C4orf51: variants seen among roughly 807,000 people sequenced by gnomAD.
C4orf51 encodes chromosome 4 open reading frame 51.
C4orf51 carries 25 observed loss-of-function variants against 25.2 expected under a neutral mutation model. The observed-to-expected ratio is 0.99, with a 90% CI of 0.72 to 1.39. The LOEUF is 1.39. Among genes scored for constraint, C4orf51 ranks in the 40% most tolerant of loss-of-function variants. The pLI, the probability that C4orf51 is intolerant of heterozygous loss-of-function variation, is 0.00. For synonymous variants in C4orf51, 100 were observed against 84.5 expected (o/e 1.18, Z -1.01); for missense variants, 252 against 239.6 (o/e 1.05, Z -0.34).
At chr4:145,734,231 G>T (rs1175425709), downstream of C4orf51, among the ~76,000 whole-genome samples, 1 of 152,190 alleles carries the variant, frequency 6.6e-6, no homozygotes, top group Admixed American at 6.5e-5. Flanking sequence ...CTCACACGTG[G>T]GTTAGGGCTT....
chr4:145,706,094 C>T lies in C4orf51; in HGVS notation c.307+9462C>T, dbSNP rs1253163217. On this transcript the variant is annotated intron_variant, in intron 2 of 5. Coordinates refer to ENST00000438731, the MANE Select transcript of C4orf51 (RefSeq NM_001080531.3). The stretch of plus-strand genomic sequence containing the variant: ...TAAATTGCAGACAAAAACTCAAAAA[C>T]TCATGAGACTAGAATCTAATAATAG... Among the ~76,000 whole-genome samples, 4 of 152,170 alleles carry T rather than the reference C, an allele frequency of 2.6e-5. No individual in the cohort carries two copies. In the South Asian group the frequency reaches 8.3e-4, roughly 32 times the overall value.
chr4:145,764,565 G>C (rs527727488), intron 1 of C4orf51: 28 of 181,630 alleles, frequency 1.5e-4, no homozygotes, highest in African/African-American at 6.2e-4. Context: ...GGGTGGGGTG[G>C]TTGCAATGCT....
chr4:145,782,618 C>A, the C4orf51 span, among the ~76,000 whole-genome samples: 1 of 152,192 alleles, frequency 6.6e-6, no homozygotes, highest in African/African-American at 2.4e-5. Context: ...TGCTATCAGA[C>A]CCCTTCCAAC....
chr4:145,700,923 C>T (rs1730396453), intron 2 of C4orf51, among the ~76,000 whole-genome samples: 1 of 152,122 alleles, frequency 6.6e-6, no homozygotes, highest in Non-Finnish European at 1.5e-5. Context: ...CCCCACCTGC[C>T]CAGCAATTTA....
intron 1 of C4orf51, among the ~76,000 whole-genome samples, chr4:145,739,841 C>T (rs1732997945): frequency 6.6e-6 from 1 of 152,172 alleles, no homozygotes; most frequent in South Asian, 2.1e-4. Flanking sequence ...CCCCTGACAA[C>T]TATTGAGCTC....
chr4:145,681,004 T>C lies in C4orf51; in HGVS notation c.233+568T>C, dbSNP rs1015163370. On this transcript the variant is annotated intron_variant, in intron 1 of 5. Coordinates refer to ENST00000438731, the MANE Select transcript of C4orf51 (RefSeq NM_001080531.3). ...GTGTCTGGTGAGGGAGGGAGTGTTG[T>C]GTGTCTGAAGAGAGCTCAGTAAAAT... 1.1e-4 allele frequency among the ~76,000 whole-genome samples: 17 copies of C among 152,230 alleles called. No homozygotes were observed. The South Asian group carries it at 1.9e-3, about 17-fold the overall frequency.
chr4:145,787,747 CTGTT>C, the C4orf51 span, among the ~76,000 whole-genome samples: 4 of 152,086 alleles, frequency 2.6e-5, no homozygotes, highest in Non-Finnish European at 5.9e-5. Context: ...CTATCAAACT[CTGTT>C]TGACAGAGCA....
At position 145,708,645 on chromosome 4, in the gene C4orf51, C is replaced by T. The variant is rs112039002; in HGVS notation, c.307+12013C>T. Among the ~76,000 whole-genome samples, 1,108 of 152,278 alleles carry T rather than the reference C, an allele frequency of 7.3e-3. 14 individuals are homozygous for T. The highest frequency in any genetic ancestry group is 0.025 in the African/African-American group (1,044 of 41,558). The stretch of plus-strand genomic sequence containing the variant: ...GTGAACAGTGGGCTCCTTGTTTATC[C>T]TTGGGGTTCCAGAATGAACCAGTCT... On this transcript the variant is annotated intron_variant, in intron 2 of 5. Coordinates refer to ENST00000438731, the MANE Select transcript of C4orf51 (RefSeq NM_001080531.3).
chr4:145,697,576 T>G (rs1039133383), intron 2 of C4orf51, among the ~76,000 whole-genome samples: 2 of 152,244 alleles, frequency 1.3e-5, no homozygotes, highest in Non-Finnish European at 2.9e-5. Context: ...TAACTTTGAC[T>G]TTTTAGATTA....
intron 1 of C4orf51, among the ~76,000 whole-genome samples, chr4:145,746,520 C>T: frequency 6.6e-6 from 1 of 152,052 alleles, no homozygotes; most frequent in Middle Eastern, 3.2e-3. Context: ...AATGAGCTCA[C>T]TGTAGATGCC....
rs1158843138 is a variant in C4orf51 at position 145,761,211 on chromosome 4, G to A, written n.167-9777G>A. On this transcript the variant is annotated intron_variant and non_coding_transcript_variant, in intron 1 of 1. Coordinates refer to the C4orf51 transcript ENST00000510096. This position sits in a 1 kb window ranked among gnomAD's most constrained non-coding sequence, Gnocchi z 6.8. ...AGTCCCCACTCTGGTGCTTCTTGACGTGGCGGCTGAAGACGAAAGGGTGTG... is the reference window on the plus strand; with the variant it reads ...AGTCCCCACTCTGGTGCTTCTTGACATGGCGGCTGAAGACGAAAGGGTGTG... The A allele has an allele frequency of 3.9e-6, 5 of 1,289,744 alleles. No individual in the cohort carries two copies. Among genetic ancestry groups the A allele is most frequent in the Admixed American group, 2.3e-5 (1 of 43,556 alleles). The allele number at this position is 1,289,744 out of a possible 1,614,324, so 79.9% of individuals were successfully genotyped here. A position where few individuals can be genotyped will look rare whatever the true frequency, so the allele number is the denominator to read the frequency against.
intron 3 of C4orf51, among the ~76,000 whole-genome samples, chr4:145,728,372 T>C (rs1241728332): frequency 6.6e-6 from 1 of 152,150 alleles, no homozygotes; most frequent in Non-Finnish European, 1.5e-5. Context: ...AATTTTCTTT[T>C]AATTTCATTT....
At chr4:145,767,891 A>T (rs937587538) in intron 1 of C4orf51, among the ~76,000 whole-genome samples, 1 of 143,246 alleles carries the variant, frequency 7.0e-6, no homozygotes, top group African/African-American at 2.6e-5. Context: ...AACCAGATAT[A>T]AAACTGATCT....
At chr4:145,738,666 G>T (rs911353681) in intron 1 of C4orf51, among the ~76,000 whole-genome samples, 1 of 151,630 alleles carries the variant, frequency 6.6e-6, no homozygotes. Context: ...TTGAGATAGG[G>T]TCTTGCTCTG....
At chr4:145,699,918 C>A (rs1329318928) in intron 2 of C4orf51, among the ~76,000 whole-genome samples, 1 of 151,936 alleles carries the variant, frequency 6.6e-6, no homozygotes, top group Non-Finnish European at 1.5e-5. Context: ...AGCGGCAAGT[C>A]CCGCTTTTCT....
downstream of C4orf51, chr4:145,775,760 C>T (rs372537675): frequency 2.8e-5 from 45 of 1,612,122 alleles, no homozygotes; most frequent in African/African-American, 4.5e-4. Context: ...CTGAGAAAGG[C>T]GGACTAGCAT....
At chr4:145,775,833 G>A, downstream of C4orf51, 1 of 1,614,194 alleles carries the variant, frequency 6.2e-7, no homozygotes. Flanking sequence ...CTTCAGAGGT[G>A]ACGGCGCTGA....
rs1423473269 is a variant in C4orf51 at position 145,762,139 on chromosome 4, T to TTA, written n.167-8849_167-8848insTA. Among the ~76,000 whole-genome samples the TTA allele has an allele frequency of 3.3e-5, 5 of 152,086 alleles. No individual in the cohort carries two copies. Among genetic ancestry groups the TTA allele is most frequent in the African/African-American group, 1.2e-4 (5 of 41,402 alleles). On this transcript the variant is annotated intron_variant and non_coding_transcript_variant, in intron 1 of 1. Transcript: ENST00000510096. The surrounding 1 kb of genome is among the most constrained non-coding windows in gnomAD (Gnocchi z 4.9). Reference sequence around the variant, plus strand: ...AAGTCACAGGGGTCAGAATCGTGCTTATTAAGGGTTTGTTAGGATGAGAAG... The same window carrying TTA: ...AAGTCACAGGGGTCAGAATCGTGCTTTAATTAAGGGTTTGTTAGGATGAGAAG...
At chr4:145,711,877 C>T (rs1396075190) in intron 2 of C4orf51, among the ~76,000 whole-genome samples, 4 of 152,200 alleles carry the variant, frequency 2.6e-5, no homozygotes, top group Non-Finnish European at 4.4e-5. Context: ...GTGTGGCAAC[C>T]TTGCATCAAG....
Sources: gnomAD v4.1 joint callset for allele counts (sites outside exome capture counted in the v4.1 genomes callset) on GRCh38, gnomAD v4.1.1 for gene constraint, Gnocchi (gnomAD v3.1) non-coding constraint, MANE v1.5 for transcripts, NCBI Gene and HGNC (gene_info 2026-07-23, HGNC 2026-07-21) for gene names.